The following KLF13 variants were observed in gnomAD, a reference collection of about 807,000 sequenced individuals.
The protein encoded by KLF13 is KLF transcription factor 13, also known as Krueppel-like factor 13.
KLF13 carries 8 observed loss-of-function variants against 16.7 expected under a neutral mutation model. That is an observed-to-expected ratio of 0.48 (90% confidence interval 0.28 to 0.87). The LOEUF is 0.87. Among genes scored for constraint, KLF13 ranks in the 40% least tolerant of loss-of-function variants. The pLI, the probability that KLF13 is intolerant of heterozygous loss-of-function variation, is 0.10. For missense variants in KLF13, 447 were observed against 452.2 expected, an observed-to-expected ratio of 0.99 and a Z score of 0.10; for synonymous variants, 245 against 208.4, an observed-to-expected ratio of 1.18 and a Z score of -1.51.
At chr15:31,392,224 T>G (rs1203245399), upstream of KLF13, among the ~76,000 whole-genome samples, 1 of 152,240 alleles carries the variant, frequency 6.6e-6, no homozygotes, top group Non-Finnish European at 1.5e-5. Flanking sequence ...AGGATGATGC[T>G]GTGGTCCGGG....
downstream of KLF13, among the ~76,000 whole-genome samples, chr15:31,406,444 G>A (rs933893045): frequency 1.3e-5 from 2 of 152,146 alleles, no homozygotes; most frequent in Non-Finnish European, 2.9e-5. Context: ...ACCAACCCTG[G>A]CAAGATTACA....
intron 1 of KLF13, among the ~76,000 whole-genome samples, chr15:31,359,438 T>A (rs1355943592): frequency 6.6e-6 from 1 of 152,202 alleles, no homozygotes; most frequent in Non-Finnish European, 1.5e-5. Context: ...ACTAGTGCTA[T>A]TCCCTTCTTA....
At chr15:31,407,714 T>C (rs1670793016), downstream of KLF13, among the ~76,000 whole-genome samples, 2 of 152,094 alleles carry the variant, frequency 1.3e-5, no homozygotes, top group African/African-American at 2.4e-5. Context: ...AGCAAATCCA[T>C]ACCAGGAACT....
At chr15:31,353,702 G>A (rs2039253517) in intron 1 of KLF13, among the ~76,000 whole-genome samples, 1 of 152,204 alleles carries the variant, frequency 6.6e-6, no homozygotes, top group Non-Finnish European at 1.5e-5. Context: ...GCTGGGAAGG[G>A]GGGCTGTGGT....
At chr15:31,330,994 G>T (rs1372130314) in intron 1 of KLF13, among the ~76,000 whole-genome samples, 1 of 152,202 alleles carries the variant, frequency 6.6e-6, no homozygotes, top group East Asian at 1.9e-4. Context: ...CAGACTGGTT[G>T]CCCAGATCCT....
At chr15:31,412,360 C>A (rs2040205496) in intron 1 of KLF13, among the ~76,000 whole-genome samples, 1 of 151,976 alleles carries the variant, frequency 6.6e-6, no homozygotes, top group Non-Finnish European at 1.5e-5. Context: ...GGCTAAAACA[C>A]CAGTGTAACA....
chr15:31,410,264 A>G (rs1049174861), intron 1 of KLF13, among the ~76,000 whole-genome samples: 52 of 152,224 alleles, frequency 3.4e-4, no homozygotes, highest in African/African-American at 1.2e-3. Context: ...TAAGGCAATA[A>G]TGGGGATCAA....
intron 1 of KLF13, among the ~76,000 whole-genome samples, chr15:31,412,803 C>G (rs186875538): frequency 3.9e-4 from 60 of 152,290 alleles, no homozygotes; most frequent in African/African-American, 1.3e-3. Context: ...GAAGTTTAAA[C>G]CCAAGGGCCT....
At position 31,373,944 on chromosome 15, in the gene KLF13, TTGA is replaced by T. The variant is rs2039601703; in HGVS notation, c.*1649_*1651del. 6.6e-6 allele frequency: 1 copy of T among 152,572 alleles called. No homozygotes were observed. The highest frequency in any genetic ancestry group is 6.5e-5 in the Admixed American group (1 of 15,286). 9.5% of individuals were successfully genotyped at this position (152,572 alleles called of 1,614,324 possible). Reference sequence around the variant, plus strand: ...GGGTATCTTGCCAGAGATACCTGTTTTGATGAGTACCTATTTTGATGCAAAGGA... The same window carrying T: ...GGGTATCTTGCCAGAGATACCTGTTTTGAGTACCTATTTTGATGCAAAGGA... On this transcript the variant is annotated 3_prime_UTR_variant, in exon 2 of 2. Coordinates refer to ENST00000307145, the MANE Select transcript of KLF13 (RefSeq NM_015995.4).
chr15:31,398,099 C>T (rs545961200), intron 2 of KLF13, among the ~76,000 whole-genome samples: 1 of 152,334 alleles, frequency 6.6e-6, no homozygotes, highest in South Asian at 2.1e-4. Context: ...GATAGTTACC[C>T]AGTAATTTAC....
At chr15:31,409,547 A>T (rs1323760461), downstream of KLF13, among the ~76,000 whole-genome samples, 1 of 152,078 alleles carries the variant, frequency 6.6e-6, no homozygotes, top group Non-Finnish European at 1.5e-5. Flanking sequence ...AGGAAGAAGG[A>T]AAGAAGGAAG....
intron 1 of KLF13, among the ~76,000 whole-genome samples, chr15:31,366,763 G>A (rs181755399): frequency 0.094 from 198 of 2,112 alleles, 1 homozygote; most frequent in Non-Finnish European, 0.17. Context: ...CACTGTACTC[G>A]GCTGCACGCA....
chr15:31,399,838 G>A (rs540794979), intron 2 of KLF13, among the ~76,000 whole-genome samples: 4 of 152,254 alleles, frequency 2.6e-5, no homozygotes, highest in Non-Finnish European at 5.9e-5. Context: ...CCACAGGGAG[G>A]GGCTGAGAGC....
chr15:31,371,629 T>C (rs1469449121), intron 1 of KLF13, among the ~76,000 whole-genome samples: 1 of 152,214 alleles, frequency 6.6e-6, no homozygotes, highest in Admixed American at 6.5e-5. Context: ...AGCCAGGGCA[T>C]GGGCCTGCAA....
At chr15:31,340,085 T>C (rs2038996897) in intron 1 of KLF13, 1 of 699,654 alleles carries the variant, frequency 1.4e-6, no homozygotes. Context: ...TCTCTGCCTC[T>C]AGGCCTGTTT....
intron 1 of KLF13, among the ~76,000 whole-genome samples, chr15:31,383,319 T>TCTCCCACCGTGGCC (rs1213663268): frequency 6.6e-6 from 1 of 152,152 alleles, no homozygotes; most frequent in African/African-American, 2.4e-5. Context: ...TCTGCAGTGC[T>TCTCCCACCGTGGCC]CTCCCACCGT....
downstream of KLF13, among the ~76,000 whole-genome samples, chr15:31,405,109 G>A (rs1478099318): frequency 5.3e-5 from 8 of 152,206 alleles, no homozygotes; most frequent in African/African-American, 1.4e-4. Context: ...AACTTTGGGA[G>A]GTGACTAGGT....
upstream of KLF13, among the ~76,000 whole-genome samples, chr15:31,392,346 G>C (rs1453753718): frequency 1.3e-5 from 2 of 152,200 alleles, no homozygotes; most frequent in African/African-American, 4.8e-5. Context: ...TGGGGTAGAC[G>C]CCACCTCTTT....
chr15:31,331,229 T>A (rs1025590347), intron 1 of KLF13, among the ~76,000 whole-genome samples: 3 of 152,216 alleles, frequency 2.0e-5, no homozygotes, highest in Admixed American at 6.5e-5. Context: ...GGGGGTCCCA[T>A]GGAAAGGTGG....
Sources: gnomAD v4.1 joint callset for allele counts (sites outside exome capture counted in the v4.1 genomes callset) on GRCh38, gnomAD v4.1.1 for gene constraint, MANE v1.5 for transcripts, NCBI Gene and HGNC (gene_info 2026-07-23, HGNC 2026-07-21) for gene names.